SDK2: variants seen among roughly 807,000 people sequenced by gnomAD.
SDK2 encodes protein sidekick-2.
SDK2 carries 105 observed loss-of-function variants against 253.9 expected under a neutral mutation model. The observed-to-expected ratio is 0.41, with a 90% confidence interval of 0.35 to 0.49. The LOEUF is 0.49. Ranked by LOEUF, SDK2 falls within the 20% of genes least tolerant of loss-of-function variation. The pLI, the probability that SDK2 is intolerant of heterozygous loss-of-function variation, is 0.06. For missense variants in SDK2, 2,608 were observed against 3,003.0 expected, an observed-to-expected ratio of 0.87 and a Z score of 3.07; for synonymous variants, 1,249 against 1,234.9, an observed-to-expected ratio of 1.01 and a Z score of -0.24.
chr17:73,535,973 G>A (rs759595995), intron 1 of SDK2, among the ~76,000 whole-genome samples: 14 of 152,064 alleles, frequency 9.2e-5, no homozygotes, highest in Non-Finnish European at 1.9e-4. Context: ...TTTCCTCCAC[G>A]CCCACTCTGA....
chr17:73,420,762 G>A (rs1286806901), intron 15 of SDK2, among the ~76,000 whole-genome samples: 2 of 152,066 alleles, frequency 1.3e-5, no homozygotes, highest in Admixed American at 6.6e-5. Flanking sequence ...TGCAACCTCC[G>A]TCTCCCGGGT....
chr17:73,563,724 G>T (rs1351523299), intron 1 of SDK2, among the ~76,000 whole-genome samples: 1 of 152,106 alleles, frequency 6.6e-6, no homozygotes, highest in Admixed American at 6.5e-5. Flanking sequence ...GGGTTGAGAT[G>T]AGTGAAATCC....
chr17:73,596,052 C>T (rs2045754027), intron 1 of SDK2, among the ~76,000 whole-genome samples: 1 of 151,824 alleles, frequency 6.6e-6, no homozygotes, highest in East Asian at 1.9e-4. Flanking sequence ...GGCAGACGGC[C>T]CTCACCTACC....
rs1567882379 is a variant in SDK2, at chr17:73,629,442, GC to G, written c.64+14582del. On this transcript the variant is annotated intron_variant, in intron 1 of 44. Transcript: ENST00000392650. This position sits in a 1 kb window ranked among gnomAD's most constrained non-coding sequence, Gnocchi z 5.0. Reference sequence around the variant, plus strand: ...TGAGTGTAAGCACCTGAGGGCAGAAGCCACTTGGGGTGTGGCCAGGTACACT... The same window carrying G: ...TGAGTGTAAGCACCTGAGGGCAGAAGCACTTGGGGTGTGGCCAGGTACACT... Among the ~76,000 whole-genome samples, 15 of 152,196 alleles carry G rather than the reference GC, an allele frequency of 9.9e-5. No homozygotes were observed. Among genetic ancestry groups the G allele is most frequent in the Non-Finnish European group, 1.8e-4 (12 of 68,032 alleles).
intron 1 of SDK2, among the ~76,000 whole-genome samples, chr17:73,543,930 C>T (rs991260623): frequency 6.6e-6 from 1 of 152,224 alleles, no homozygotes; most frequent in Non-Finnish European, 1.5e-5. Flanking sequence ...GATGCAAGTG[C>T]TCTGAAACTG....
rs2145660810 is a variant in SDK2 at position 73,455,562 on chromosome 17, G to T, written c.479+344C>A. On this transcript the variant is annotated intron_variant, in intron 4 of 44. Coordinates refer to ENST00000392650, the MANE Select transcript of SDK2 (RefSeq NM_001144952.2). The surrounding 1 kb of genome is among the most constrained non-coding windows in gnomAD (Gnocchi z 5.0). ...TCTCCAAGGTCCCCCAGCGCCACTGGCCTGAGTCCTGGGCCTGTAACCACG... is the reference window on the plus strand; with the variant it reads ...TCTCCAAGGTCCCCCAGCGCCACTGTCCTGAGTCCTGGGCCTGTAACCACG... Among the ~76,000 whole-genome samples, 1 of 152,332 alleles carries T rather than the reference G, an allele frequency of 6.6e-6. No homozygotes were observed. Among genetic ancestry groups the T allele is most frequent in the Middle Eastern group, 3.4e-3 (1 of 294 alleles).
At position 73,401,021 on chromosome 17, in the gene SDK2, T is replaced by C; in HGVS notation, c.2970A>G (p.Pro990=). The C allele has an allele frequency of 6.4e-7, 1 of 1,570,284 alleles. No homozygotes were observed. The highest frequency in any genetic ancestry group is 1.9e-5 in the Admixed American group (1 of 53,426). The change falls in exon 21 of 45, where the codon CCA becomes CCG. Residue 990 remains proline, a splice_region_variant and synonymous_variant. Transcript: ENST00000392650. ...SASTISSGVP[P]ELPGPPTNLG... The stretch of plus-strand genomic sequence containing the variant: ...CCTGCCTTGAGAGTGGGCACTTACC[T>C]GGGGGCACCCCAGAGGAGATGGTGG...
At chr17:73,504,233 AG>A (rs754939939) in intron 2 of SDK2, 28,605 of 131,228 alleles carry the variant, frequency 0.22, 2,589 homozygotes, top group Non-Finnish European at 0.24. Context: ...AGAGAGAGAG[AG>A]AAAGTGTGTG....
chr17:73,526,581 T>C (rs560574361), intron 1 of SDK2, among the ~76,000 whole-genome samples: 65 of 152,196 alleles, frequency 4.3e-4, no homozygotes, highest in Admixed American at 4.0e-3. Flanking sequence ...ATGTCATCTG[T>C]GGGTGGTGGC....
Position 73,368,442 on chromosome 17 carries a change from C to G in SDK2, c.5132G>C (p.Arg1711Pro), listed in dbSNP as rs772085587. 2 of 1,598,182 alleles carry G rather than the reference C, an allele frequency of 1.3e-6. No individual in the cohort carries two copies. The highest frequency in any genetic ancestry group is 2.7e-5 in the African/African-American group (2 of 74,356). ...GGTCTGGCCTTGGGTGGGGGTGCTC[C>G]GAGGCCCATCCCCAGCGGCGTTGAA... ...AAFNAAGDGP[R>P]STPTQGQTQQ... is the part of the protein sequence containing the mutation. The change falls in exon 37 of 45, where the codon CGG becomes CCG. Residue 1711 changes from arginine to proline, a missense_variant. By Grantham distance (103) the Arg-to-Pro change is moderately radical. Coordinates refer to ENST00000392650, the MANE Select transcript of SDK2 (RefSeq NM_001144952.2).
chr17:73,502,227 C>G (rs1385786276), intron 2 of SDK2, among the ~76,000 whole-genome samples: 2 of 152,184 alleles, frequency 1.3e-5, no homozygotes, highest in African/African-American at 4.8e-5. Flanking sequence ...CACTTCTAAT[C>G]TTATTTTCTC....
rs55940592 is a variant in SDK2 at position 73,566,319 on chromosome 17, A to ATGTGTGTGTGTGTGTGTGTGTGTG, written c.65-58746_65-58723dup. 3.9e-4 allele frequency among the ~76,000 whole-genome samples: 55 copies of ATGTGTGTGTGTGTGTGTGTGTGTG among 139,410 alleles called. 1 individual carries two copies. The highest frequency in any genetic ancestry group is 1.4e-3 in the African/African-American group (51 of 36,180). The allele number at this position is 139,410 out of a possible 152,430, so 91.5% of individuals were successfully genotyped here. A position where few individuals can be genotyped will look rare whatever the true frequency, so the allele number is the denominator to read the frequency against. ...AGCCAAATAAAATTCTTATATATAT[A>ATGTGTGTGTGTGTGTGTGTGTGTG]TGTGTGTGTGTGTGTGTGTGTGTGT... On this transcript the variant is annotated intron_variant, in intron 1 of 44. Transcript: ENST00000392650.
At chr17:73,449,738 T>C (rs951826853) in intron 4 of SDK2, among the ~76,000 whole-genome samples, 8 of 151,018 alleles carry the variant, frequency 5.3e-5, no homozygotes, top group African/African-American at 1.7e-4. Context: ...CTGACCAATA[T>C]GGAGAAACCC....
chr17:73,542,177 G>C (rs927443409), intron 1 of SDK2, among the ~76,000 whole-genome samples: 1 of 152,224 alleles, frequency 6.6e-6, no homozygotes, highest in Admixed American at 6.5e-5. Flanking sequence ...CTCTCTGGGG[G>C]CTGTGCCTCT....
In SDK2 at chr17:73,616,532, TC is replaced by T. The variant is rs2046060199; in HGVS notation, c.64+27492del. Among the ~76,000 whole-genome samples the T allele has an allele frequency of 6.6e-6, 1 of 152,226 alleles. No individual in the cohort carries two copies. Among genetic ancestry groups the T allele is most frequent in the East Asian group, 1.9e-4 (1 of 5,198 alleles). On this transcript the variant is annotated intron_variant, in intron 1 of 44. Coordinates refer to ENST00000392650, the MANE Select transcript of SDK2 (RefSeq NM_001144952.2). The surrounding 1 kb of genome is among the most constrained non-coding windows in gnomAD (Gnocchi z 5.2). The stretch of plus-strand genomic sequence containing the variant: ...TTTGTTGCTTTGGTTTGTTTCGTTC[TC>T]CTGGCTGAATTACCACGTGGCAGCA...
intron 18 of SDK2, among the ~76,000 whole-genome samples, chr17:73,402,394 G>A (rs1054794635): frequency 7.2e-5 from 11 of 152,194 alleles, no homozygotes; most frequent in African/African-American, 2.4e-4. Flanking sequence ...GAATCGCCTC[G>A]TACTCAATTC....
intron 1 of SDK2, among the ~76,000 whole-genome samples, chr17:73,625,929 A>C (rs542678115): frequency 6.6e-6 from 1 of 152,222 alleles, no homozygotes; most frequent in Non-Finnish European, 1.5e-5. Context: ...ATAGGCGTGA[A>C]TCACCGAGTC....
rs755348728 is a variant in SDK2 at position 73,379,422 on chromosome 17, G to A, written c.4864+26C>T. On this transcript the variant is annotated intron_variant, in intron 35 of 44. Coordinates refer to ENST00000392650, the MANE Select transcript of SDK2 (RefSeq NM_001144952.2). This position sits in a 1 kb window ranked among gnomAD's most constrained non-coding sequence, Gnocchi z 4.5. ...GGTGGGGCTGGGAAAGGCATGCTGG[G>A]GCCGGACAGGGCGGGCGCTGCTCAC... 2 of 1,565,950 alleles carry A rather than the reference G, an allele frequency of 1.3e-6. No homozygotes were observed. Among genetic ancestry groups the A allele is most frequent in the East Asian group, 4.5e-5 (2 of 44,498 alleles).
chr17:73,490,727 T>C (rs191219749), intron 2 of SDK2, among the ~76,000 whole-genome samples: 80 of 151,938 alleles, frequency 5.3e-4, no homozygotes, highest in African/African-American at 1.7e-3. Context: ...GGTCTTGCCA[T>C]GTTGTCCATG....
Sources: allele counts gnomAD v4.1 joint callset (sites outside exome capture counted in the v4.1 genomes callset), GRCh38; gene constraint gnomAD v4.1.1; non-coding constraint Gnocchi (gnomAD v3.1); transcripts MANE v1.5; gene names NCBI Gene and HGNC (gene_info 2026-07-23, HGNC 2026-07-21).